TBCK: variants seen among roughly 807,000 people sequenced by gnomAD.
TBCK encodes TBC1 domain containing kinase.
A neutral mutation model predicts 113.4 loss-of-function variants in TBCK; 99 were observed. That is an observed-to-expected ratio of 0.87 (90% CI 0.74 to 1.03). The LOEUF is 1.03. Among genes scored for constraint, TBCK ranks in the 50% least tolerant of loss-of-function variants. TBCK has a pLI of 0.00. For missense variants in TBCK, 1,045 were observed against 1,061.3 expected (o/e 0.98, Z 0.21); for synonymous variants, 369 against 370.8 (o/e 1.00, Z 0.05).
chr4:106,120,298 C>T (rs990189080), intron 23 of TBCK, among the ~76,000 whole-genome samples: 1 of 152,166 alleles, frequency 6.6e-6, no homozygotes, highest in African/African-American at 2.4e-5. Context: ...TATCCCGCAC[C>T]TGGCTCGGAG....
chr4:106,208,231 G>A (rs975561522), intron 20 of TBCK, among the ~76,000 whole-genome samples: 2 of 152,112 alleles, frequency 1.3e-5, no homozygotes, highest in African/African-American at 2.4e-5. Context: ...TTAAACCAAA[G>A]ACAGTTTAAG....
chr4:106,182,456 A>G (rs1414214648), intron 22 of TBCK: 2 of 152,120 alleles, frequency 1.3e-5, no homozygotes, highest in African/African-American at 4.8e-5. Context: ...CAGTTTTCAA[A>G]GGGAATCCTT....
intron 20 of TBCK, among the ~76,000 whole-genome samples, chr4:106,197,411 G>GTGTGTGTA (rs35695611): frequency 8.2e-6 from 1 of 122,466 alleles, no homozygotes; most frequent in African/African-American, 3.1e-5. Context: ...GTGTGTGTGT[G>GTGTGTGTA]TATATATATA....
intron 23 of TBCK, among the ~76,000 whole-genome samples, chr4:106,121,004 G>A (rs1443539181): frequency 5.9e-5 from 9 of 152,122 alleles, no homozygotes; most frequent in Non-Finnish European, 1.2e-4. Flanking sequence ...GGCTTCAGAC[G>A]ATCAAATTAC....
intron 23 of TBCK, among the ~76,000 whole-genome samples, chr4:106,152,981 C>T (rs1748681874): frequency 6.6e-6 from 1 of 151,974 alleles, no homozygotes; most frequent in South Asian, 2.1e-4. Flanking sequence ...TCTGGCTAAA[C>T]ATTTGTTAAT....
At chr4:106,312,354 A>G (rs887070125) in intron 1 of TBCK, among the ~76,000 whole-genome samples, 1 of 152,228 alleles carries the variant, frequency 6.6e-6, no homozygotes, top group Non-Finnish European at 1.5e-5. Flanking sequence ...TAATAAGCAC[A>G]TGAAAAAGTT....
chr4:106,158,845 C>T (rs769083348), intron 23 of TBCK, among the ~76,000 whole-genome samples: 3 of 151,950 alleles, frequency 2.0e-5, no homozygotes, highest in Non-Finnish European at 4.4e-5. Context: ...ACTGCAAAAA[C>T]GGAATACTAA....
chr4:106,206,600 G>A (rs1755529972), intron 20 of TBCK, among the ~76,000 whole-genome samples: 1 of 152,100 alleles, frequency 6.6e-6, no homozygotes, highest in Non-Finnish European at 1.5e-5. Flanking sequence ...AAATAAGGTG[G>A]ATATTCCTAG....
At chr4:106,275,507 GTTGT>G (rs1763931597) in intron 3 of TBCK, among the ~76,000 whole-genome samples, 1 of 152,048 alleles carries the variant, frequency 6.6e-6, no homozygotes, top group African/African-American at 2.4e-5. Flanking sequence ...CAATGATATG[GTTGT>G]TTATGTAGAA....
chr4:106,281,420 T>C (rs1420895200), intron 3 of TBCK, among the ~76,000 whole-genome samples: 1 of 152,100 alleles, frequency 6.6e-6, no homozygotes, highest in African/African-American at 2.4e-5. Flanking sequence ...CTTTCTCTTA[T>C]CTAATTGTTC....
chr4:106,104,145 C>T (rs897637071), intron 24 of TBCK, among the ~76,000 whole-genome samples: 3 of 152,210 alleles, frequency 2.0e-5, no homozygotes, highest in African/African-American at 7.2e-5. Flanking sequence ...GCAAAAGTAG[C>T]TGCAGCTTTG....
Position 106,281,050 on chromosome 4 carries a change from C to A in TBCK, c.266+14044G>T, listed in dbSNP as rs116461867. ...TTTTAACAATATTGATTAGTCCCAT[C>A]CATAAACATGAAATATATTTCCATT... On this transcript the variant is annotated intron_variant, in intron 3 of 25. Coordinates refer to ENST00000394708, the MANE Select transcript of TBCK (RefSeq NM_001163435.3). Among the ~76,000 whole-genome samples, 860 of 152,186 alleles carry A rather than the reference C, an allele frequency of 5.7e-3. 10 individuals carry two copies. Among genetic ancestry groups the A allele is most frequent in the African/African-American group, 0.02 (840 of 41,526 alleles).
intron 23 of TBCK, among the ~76,000 whole-genome samples, chr4:106,121,896 G>A (rs1029917214): frequency 1.4e-3 from 206 of 152,152 alleles, no homozygotes; most frequent in African/African-American, 4.6e-3. Context: ...GAAATTTATA[G>A]CACTAAATGC....
intron 3 of TBCK, among the ~76,000 whole-genome samples, chr4:106,267,736 T>A (rs1007622457): frequency 3.9e-5 from 6 of 152,058 alleles, no homozygotes; most frequent in African/African-American, 1.4e-4. Context: ...CATGGCTCAA[T>A]AAATTTTCAA....
At chr4:106,218,265 C>T (rs1757226569) in intron 19 of TBCK, among the ~76,000 whole-genome samples, 1 of 149,894 alleles carries the variant, frequency 6.7e-6, no homozygotes, top group African/African-American at 2.5e-5. Flanking sequence ...CCATAAAAAC[C>T]CTAGAAGAAA....
intron 23 of TBCK, among the ~76,000 whole-genome samples, chr4:106,134,239 C>T (rs1046281468): frequency 1.3e-5 from 2 of 151,616 alleles, no homozygotes; most frequent in African/African-American, 2.4e-5. Context: ...TAGAAACATG[C>T]TAATGACCAC....
At chr4:106,224,538 A>G (rs1045817219) in intron 19 of TBCK, among the ~76,000 whole-genome samples, 1 of 152,190 alleles carries the variant, frequency 6.6e-6, no homozygotes, top group Non-Finnish European at 1.5e-5. Flanking sequence ...TGTAAAGCTT[A>G]AAACTCTACA....
chr4:106,144,687 C>A (rs936057112), intron 23 of TBCK, among the ~76,000 whole-genome samples: 1 of 152,126 alleles, frequency 6.6e-6, no homozygotes, highest in African/African-American at 2.4e-5. Flanking sequence ...TAATCTCAAG[C>A]AATATTTTCT....
At chr4:106,238,893 C>T (rs1273919965) in intron 12 of TBCK, among the ~76,000 whole-genome samples, 2 of 152,082 alleles carry the variant, frequency 1.3e-5, no homozygotes, top group African/African-American at 2.4e-5. Flanking sequence ...TGAGCACAGA[C>T]TAATACGAGA....
Sources: gnomAD v4.1 joint callset for allele counts (sites outside exome capture counted in the v4.1 genomes callset) on GRCh38, gnomAD v4.1.1 for gene constraint, MANE v1.5 for transcripts, NCBI Gene and HGNC (gene_info 2026-07-23, HGNC 2026-07-21) for gene names.